CTNND2: variants seen among roughly 807,000 people sequenced by gnomAD.
CTNND2 encodes catenin delta 2, also known as catenin delta-2.
Under a neutral mutation model 144.4 loss-of-function variants are expected in CTNND2, and 22 were observed. The ratio of observed to expected loss-of-function variants is 0.15; its 90% CI spans 0.11 to 0.22. The LOEUF (loss-of-function observed/expected upper bound fraction) is 0.22, where lower values mean the gene tolerates loss of function less well. CTNND2 is among the 10% of genes least tolerant of loss of function. CTNND2 has a pLI of 1.00. For synonymous variants in CTNND2, 751 were observed against 695.6 expected (o/e 1.08, Z -1.25); for missense variants, 1,353 against 1,618.8 (o/e 0.84, Z 2.82).
intron 3 of CTNND2, among the ~76,000 whole-genome samples, chr5:11,417,832 G>C (rs1333258738): frequency 6.6e-6 from 1 of 152,096 alleles, no homozygotes; most frequent in African/African-American, 2.4e-5. Context: ...CTTTGTCCAG[G>C]AGACTTGTAC....
At chr5:11,408,816 A>G (rs1761291753) in intron 5 of CTNND2, among the ~76,000 whole-genome samples, 1 of 152,124 alleles carries the variant, frequency 6.6e-6, no homozygotes, top group Admixed American at 6.5e-5. Context: ...TGTGTAACAG[A>G]GTTTCTCAAC....
intron 2 of CTNND2, among the ~76,000 whole-genome samples, chr5:11,615,121 C>T (rs761718261): frequency 1.8e-4 from 27 of 152,002 alleles, no homozygotes; most frequent in Admixed American, 1.2e-3. Context: ...ATTTAACATA[C>T]GAAAAATTTT....
intron 3 of CTNND2, among the ~76,000 whole-genome samples, chr5:11,432,085 A>G (rs1306625008): frequency 1.4e-5 from 2 of 147,190 alleles, no homozygotes; most frequent in African/African-American, 5.0e-5. Context: ...TCAATGGACT[A>G]GATGCACTCC....
At chr5:11,304,145 T>A (rs1009874350) in intron 9 of CTNND2, among the ~76,000 whole-genome samples, 1 of 148,952 alleles carries the variant, frequency 6.7e-6, no homozygotes, top group Non-Finnish European at 1.5e-5. Context: ...ATCAGCAGCA[T>A]GAAGGGTATG....
At chr5:11,260,414 C>G (rs1405946547) in intron 9 of CTNND2, among the ~76,000 whole-genome samples, 2 of 152,022 alleles carry the variant, frequency 1.3e-5, no homozygotes, top group Non-Finnish European at 2.9e-5. Flanking sequence ...AGCACAAGGT[C>G]TCACACGAAA....
chr5:11,504,011 C>T (rs1417786424), intron 3 of CTNND2, among the ~76,000 whole-genome samples: 1 of 152,222 alleles, frequency 6.6e-6, no homozygotes, highest in East Asian at 1.9e-4. Context: ...AGTGGCTTTA[C>T]TGCTACCTCA....
chr5:11,164,119 A>G (rs1480426583), intron 11 of CTNND2, among the ~76,000 whole-genome samples: 1 of 151,998 alleles, frequency 6.6e-6, no homozygotes, highest in Non-Finnish European at 1.5e-5. Context: ...CCATCATCAT[A>G]TCTCCTTCCT....
chr5:11,186,093 G>A (rs1274869651), intron 11 of CTNND2, among the ~76,000 whole-genome samples: 1 of 152,128 alleles, frequency 6.6e-6, no homozygotes, highest in African/African-American at 2.4e-5. Context: ...ATACAATTTT[G>A]GCATGCTCTG....
chr5:11,772,737 A>G (rs149813120), intron 1 of CTNND2, among the ~76,000 whole-genome samples: 27 of 152,348 alleles, frequency 1.8e-4, no homozygotes, highest in African/African-American at 6.0e-4. Context: ...AGATACAAGC[A>G]GTTCTTCTGT....
chr5:11,644,264 G>A (rs900976283), intron 2 of CTNND2, among the ~76,000 whole-genome samples: 1 of 152,160 alleles, frequency 6.6e-6, no homozygotes, highest in African/African-American at 2.4e-5. Flanking sequence ...TACCAACGTG[G>A]CACTTTATGT....
chr5:11,299,115 A>T (rs927243685), intron 9 of CTNND2, among the ~76,000 whole-genome samples: 1 of 152,176 alleles, frequency 6.6e-6, no homozygotes, highest in African/African-American at 2.4e-5. Context: ...GACGCATATC[A>T]GTCACCTCTT....
chr5:11,613,043 T>C (rs537175074), intron 2 of CTNND2, among the ~76,000 whole-genome samples: 1 of 152,248 alleles, frequency 6.6e-6, no homozygotes, highest in African/African-American at 2.4e-5. Flanking sequence ...ATTTCTTGAG[T>C]GCATACTCTT....
chr5:11,242,228 A>T (rs549755059), intron 9 of CTNND2, among the ~76,000 whole-genome samples: 2 of 152,206 alleles, frequency 1.3e-5, no homozygotes, highest in African/African-American at 4.8e-5. Flanking sequence ...GTCAGTTGCC[A>T]AGGTTCTCTG....
chr5:11,321,285 T>C (rs1160621702), intron 9 of CTNND2, among the ~76,000 whole-genome samples: 1 of 152,232 alleles, frequency 6.6e-6, no homozygotes, highest in Non-Finnish European at 1.5e-5. Context: ...CACTTGCAGA[T>C]ATTGTGTTGA....
At chr5:11,362,583 T>A (rs1017890488) in intron 8 of CTNND2, among the ~76,000 whole-genome samples, 7 of 152,158 alleles carry the variant, frequency 4.6e-5, no homozygotes, top group African/African-American at 1.7e-4. Context: ...TAGTATTACG[T>A]CAATCAGCAT....
intron 18 of CTNND2, among the ~76,000 whole-genome samples, chr5:11,017,177 C>T (rs1429471320): frequency 6.6e-6 from 1 of 152,026 alleles, no homozygotes; most frequent in African/African-American, 2.4e-5. Flanking sequence ...AAAAAATTCT[C>T]CCCTCCTAAC....
At chr5:11,211,518 T>C (rs1738636829) in intron 10 of CTNND2, among the ~76,000 whole-genome samples, 1 of 152,192 alleles carries the variant, frequency 6.6e-6, no homozygotes, top group South Asian at 2.1e-4. Context: ...GTGGTAAATA[T>C]CAAGTCTGAC....
intron 1 of CTNND2, among the ~76,000 whole-genome samples, chr5:11,834,157 TA>T (rs1252995699): frequency 6.6e-6 from 1 of 151,954 alleles, no homozygotes; most frequent in African/African-American, 2.4e-5. Context: ...ACACAGCCAA[TA>T]AAAAAGGGCT....
chr5:11,064,606 T>C (rs1747357368), intron 16 of CTNND2, among the ~76,000 whole-genome samples: 1 of 152,104 alleles, frequency 6.6e-6, no homozygotes, highest in African/African-American at 2.4e-5. Context: ...ATTGCTTATC[T>C]ATTCTGCAGA....
Sources: gnomAD v4.1 joint callset for allele counts (sites outside exome capture counted in the v4.1 genomes callset) on GRCh38, gnomAD v4.1.1 for gene constraint, MANE v1.5 for transcripts, NCBI Gene and HGNC (gene_info 2026-07-23, HGNC 2026-07-21) for gene names.